The following BEND4 variants were observed in gnomAD, a reference collection of about 807,000 sequenced individuals.
The protein encoded by BEND4 is BEN domain containing 4.
A neutral mutation model predicts 54.7 loss-of-function variants in BEND4; 27 were observed. The observed-to-expected ratio is 0.49, with a 90% CI of 0.36 to 0.68. The LOEUF (loss-of-function observed/expected upper bound fraction) is 0.68, where lower values mean the gene tolerates loss of function less well. BEND4 is among the 30% of genes least tolerant of loss of function. The pLI is 0.00. For missense variants in BEND4, 702 were observed against 697.2 expected, an observed-to-expected ratio of 1.01 and a Z score of -0.08; for synonymous variants, 327 against 299.5, an observed-to-expected ratio of 1.09 and a Z score of -0.95.
At chr4:42,146,329 G>C (rs1039781555) in intron 2 of BEND4, among the ~76,000 whole-genome samples, 3 of 152,204 alleles carry the variant, frequency 2.0e-5, no homozygotes, top group Non-Finnish European at 2.9e-5. Context: ...GACATGGGTT[G>C]GTTGTAAATT....
chr4:42,145,489 C>A (rs996062965), intron 2 of BEND4, among the ~76,000 whole-genome samples: 1 of 151,960 alleles, frequency 6.6e-6, no homozygotes, highest in Non-Finnish European at 1.5e-5. Flanking sequence ...GGTGGGAGAT[C>A]GAGACCATCC....
chr4:42,140,336 T>C (rs754111357), intron 3 of BEND4, among the ~76,000 whole-genome samples: 6 of 152,210 alleles, frequency 3.9e-5, no homozygotes, highest in Admixed American at 6.5e-5. Flanking sequence ...ATTTTCTTCA[T>C]TGTATACTAT....
At chr4:42,139,605 T>C (rs1720815936) in intron 3 of BEND4, among the ~76,000 whole-genome samples, 2 of 150,318 alleles carry the variant, frequency 1.3e-5, no homozygotes, top group Non-Finnish European at 3.0e-5. Flanking sequence ...AAAAAAAAAA[T>C]CCTCAACAGC....
chr4:42,129,599 T>C (rs111726388), intron 3 of BEND4, among the ~76,000 whole-genome samples: 1 of 152,076 alleles, frequency 6.6e-6, no homozygotes, highest in Non-Finnish European at 1.5e-5. Context: ...TCTACAACCA[T>C]CTGATCTTCA....
chr4:42,150,070 T>C (rs1378255196), intron 2 of BEND4, among the ~76,000 whole-genome samples: 19 of 152,038 alleles, frequency 1.2e-4, no homozygotes, highest in Admixed American at 8.5e-4. Context: ...AGGACCCAAA[T>C]TGCTGGCAAA....
chr4:42,136,846 C>A lies in BEND4; in HGVS notation c.1054+6582G>T, dbSNP rs559612159. On this transcript the variant is annotated intron_variant, in intron 3 of 5. Coordinates refer to ENST00000502486, the MANE Select transcript of BEND4 (RefSeq NM_207406.4). ...ATGAGTTATAGTGCTGTTACTCAAC[C>A]AGCGTTAATTATTAAATAAGATCTC... Among the ~76,000 whole-genome samples the A allele has an allele frequency of 1.2e-3, 179 of 152,320 alleles. 1 individual carries two copies. Among genetic ancestry groups the A allele is most frequent in the African/African-American group, 4.2e-3 (175 of 41,558 alleles).
At chr4:42,141,818 G>A (rs944676367) in intron 3 of BEND4, among the ~76,000 whole-genome samples, 3 of 152,100 alleles carry the variant, frequency 2.0e-5, no homozygotes, top group African/African-American at 7.2e-5. Flanking sequence ...AATTTCTTAT[G>A]TATGATTTAT....
At chr4:42,134,146 G>C (rs551354615) in intron 3 of BEND4, among the ~76,000 whole-genome samples, 1 of 152,210 alleles carries the variant, frequency 6.6e-6, no homozygotes, top group East Asian at 1.9e-4. Context: ...CCATCTTAAG[G>C]GTGCTTGGGT....
intron 4 of BEND4, among the ~76,000 whole-genome samples, chr4:42,122,374 C>T (rs1324891378): frequency 6.6e-6 from 1 of 152,162 alleles, no homozygotes; most frequent in Admixed American, 6.5e-5. Context: ...AGGGCTGGGA[C>T]TGTTACCTGT....
intron 3 of BEND4, among the ~76,000 whole-genome samples, chr4:42,142,800 C>T (rs929663202): frequency 1.3e-5 from 2 of 151,844 alleles, no homozygotes; most frequent in African/African-American, 2.4e-5. Context: ...GGCCAAGAAA[C>T]GGTTTGGGGC....
At chr4:42,133,219 CT>C (rs891897080) in intron 3 of BEND4, among the ~76,000 whole-genome samples, 1 of 152,188 alleles carries the variant, frequency 6.6e-6, no homozygotes, top group African/African-American at 2.4e-5. Flanking sequence ...GGCAGCTGTA[CT>C]GTCTAAGCAG....
intron 2 of BEND4, among the ~76,000 whole-genome samples, chr4:42,149,025 C>G (rs956654800): frequency 6.6e-5 from 10 of 152,124 alleles, no homozygotes; most frequent in African/African-American, 1.9e-4. Context: ...TCACTTCAAC[C>G]CTTTCATCTT....
At chr4:42,138,326 G>A (rs530973919) in intron 3 of BEND4, among the ~76,000 whole-genome samples, 1 of 152,156 alleles carries the variant, frequency 6.6e-6, no homozygotes, top group Non-Finnish European at 1.5e-5. Flanking sequence ...GACACAGAAA[G>A]AAAAATATTG....
chr4:42,124,994 T>G (rs1435614861), intron 4 of BEND4, among the ~76,000 whole-genome samples: 2 of 152,194 alleles, frequency 1.3e-5, no homozygotes, highest in Non-Finnish European at 2.9e-5. Flanking sequence ...GGGATTCTCA[T>G]GGGGATTGTC....
At chr4:42,131,894 T>C (rs1720519444) in intron 3 of BEND4, among the ~76,000 whole-genome samples, 1 of 152,158 alleles carries the variant, frequency 6.6e-6, no homozygotes, top group Non-Finnish European at 1.5e-5. Flanking sequence ...GGCAGGGACC[T>C]TGAAGCACCC....
chr4:42,142,775 C>G (rs1178215250), intron 3 of BEND4, among the ~76,000 whole-genome samples: 5 of 151,650 alleles, frequency 3.3e-5, no homozygotes, highest in Non-Finnish European at 7.4e-5. Flanking sequence ...CAGGAAATGC[C>G]TCATGTTTAG....
chr4:42,145,261 G>C (rs1365081295), intron 2 of BEND4, among the ~76,000 whole-genome samples: 1 of 152,146 alleles, frequency 6.6e-6, no homozygotes, highest in African/African-American at 2.4e-5. Context: ...GTAAGACCAA[G>C]GAAACCACAC....
intron 3 of BEND4, among the ~76,000 whole-genome samples, chr4:42,126,312 CCAA>C (rs1720281480): frequency 6.6e-6 from 1 of 152,106 alleles, no homozygotes; most frequent in South Asian, 2.1e-4. Flanking sequence ...GCAGTAGCAC[CCAA>C]TGATGCTTTT....
chr4:42,149,895 G>C (rs1469702618), intron 2 of BEND4, among the ~76,000 whole-genome samples: 1 of 152,200 alleles, frequency 6.6e-6, no homozygotes, highest in Non-Finnish European at 1.5e-5. Flanking sequence ...TAAATTTACA[G>C]TGTATAACAG....
Sources: allele counts gnomAD v4.1 joint callset (sites outside exome capture counted in the v4.1 genomes callset), GRCh38; gene constraint gnomAD v4.1.1; transcripts MANE v1.5; gene names NCBI Gene and HGNC (gene_info 2026-07-23, HGNC 2026-07-21).